SNAI3: variants seen among roughly 807,000 people sequenced by gnomAD.
The protein encoded by SNAI3 is snail family transcriptional repressor 3.
In SNAI3, 21 loss-of-function variants were observed where a neutral mutation model predicts 16.4. That is an observed-to-expected ratio of 1.28 (90% CI 0.91 to 1.85). The LOEUF is 1.85. Ranked by LOEUF, SNAI3 falls within the 40% of genes most tolerant of loss-of-function variation. The probability of loss-of-function intolerance (pLI) is 0.00; values close to 1 mark genes in which losing one functional copy is unlikely to be tolerated. For synonymous variants in SNAI3, 202 were observed against 166.6 expected, an observed-to-expected ratio of 1.21 and a Z score of -1.64; for missense variants, 457 against 372.8, an observed-to-expected ratio of 1.23 and a Z score of -1.86.
In SNAI3 at chr16:88,681,646, G is replaced by T; in HGVS notation, c.145C>A (p.Pro49Thr). The T allele has an allele frequency of 6.8e-7, 1 of 1,471,684 alleles. No homozygotes were observed. Among genetic ancestry groups the T allele is most frequent in the Non-Finnish European group, 9.0e-7 (1 of 1,108,128 alleles). The allele number at this position is 1,471,684 out of a possible 1,614,324, so 91.2% of individuals were successfully genotyped here. A position where few individuals can be genotyped will look rare whatever the true frequency, so the allele number is the denominator to read the frequency against. The change falls in exon 2 of 3, where the codon CCT (proline) becomes ACT (threonine). Residue 49 changes from proline to threonine, a missense_variant. Coordinates refer to ENST00000332281, the MANE Select transcript of SNAI3 (RefSeq NM_178310.4). This position sits in a 1 kb window ranked among gnomAD's most constrained non-coding sequence, Gnocchi z 5.4. ...TGGGGAAGGTCACCGGGCACAGAAG[G>T]GGCCTCCTTGTCTCGGGGGAGGAGG... ...VPLLPRDKEA[P>T]SVPGDLPQPW...
chr16:88,681,708 T>C lies in SNAI3; in HGVS notation c.83A>G (p.Asn28Ser), dbSNP rs201702547. The change falls in exon 2 of 3, where the codon AAT (asparagine) becomes AGT (serine). Residue 28 changes from asparagine to serine, a missense_variant. Coordinates refer to ENST00000332281, the MANE Select transcript of SNAI3 (RefSeq NM_178310.4). The surrounding 1 kb of genome is among the most constrained non-coding windows in gnomAD (Gnocchi z 5.4). ...YRRLETQREINGACSACGGLV... is the reference protein window; with the variant it reads ...YRRLETQREISGACSACGGLV... ...CCCCCCACAGGCAGAGCAGGCACCATTGATTTCTAGAGGGGTGGAGGGGAG... is the reference window on the plus strand; with the variant it reads ...CCCCCCACAGGCAGAGCAGGCACCACTGATTTCTAGAGGGGTGGAGGGGAG... 2.1e-4 allele frequency: 306 copies of C among 1,442,594 alleles called. No homozygotes were observed. The highest frequency in any genetic ancestry group is 2.6e-4 in the Non-Finnish European group (287 of 1,093,354). The allele number at this position is 1,442,594 out of a possible 1,614,324, so 89.4% of individuals were successfully genotyped here. A position where few individuals can be genotyped will look rare whatever the true frequency, so the allele number is the denominator to read the frequency against.
intron 1 of SNAI3, among the ~76,000 whole-genome samples, chr16:88,682,163 G>C (rs1030055133): frequency 6.6e-6 from 1 of 152,188 alleles, no homozygotes; most frequent in African/African-American, 2.4e-5. Flanking sequence ...ACGCTTGGCA[G>C]CAAGGTGCCG....
At chr16:88,684,584 C>T (rs1909292733) in intron 1 of SNAI3, among the ~76,000 whole-genome samples, 1 of 152,194 alleles carries the variant, frequency 6.6e-6, no homozygotes, top group Non-Finnish European at 1.5e-5. Flanking sequence ...CAACCTCCAT[C>T]TCCCGGGTTC....
rs1909026331 is a variant in SNAI3 at position 88,677,948 on chromosome 16, C to A, written c.*500G>T. ...AGACGTGTGACATGGGGCAGCTCGTCCCAGACCCCAAACCAAAGGCTGGCG... is the reference window on the plus strand; with the variant it reads ...AGACGTGTGACATGGGGCAGCTCGTACCAGACCCCAAACCAAAGGCTGGCG... On this transcript the variant is annotated 3_prime_UTR_variant, in exon 3 of 3. Transcript: ENST00000332281. 1 of 156,690 alleles carries A rather than the reference C, an allele frequency of 6.4e-6. No homozygotes were observed. Among genetic ancestry groups the A allele is most frequent in the African/African-American group, 2.4e-5 (1 of 41,514 alleles). 9.7% of individuals were successfully genotyped at this position (156,690 alleles called of 1,614,324 possible).
chr16:88,683,472 T>A (rs766500890), intron 1 of SNAI3, among the ~76,000 whole-genome samples: 44 of 151,822 alleles, frequency 2.9e-4, no homozygotes, highest in Non-Finnish European at 5.7e-4. Flanking sequence ...GCCAGGCTGG[T>A]CTCGAACTCT....
At chr16:88,682,300 G>A (rs564199240) in intron 1 of SNAI3, among the ~76,000 whole-genome samples, 1 of 152,368 alleles carries the variant, frequency 6.6e-6, no homozygotes, top group East Asian at 1.9e-4. Context: ...GCTGACCAGT[G>A]CCCACTCTAC....
chr16:88,681,562 C>T lies in SNAI3; in HGVS notation c.229G>A (p.Glu77Lys), dbSNP rs756617477. ...CISLPLLPRI[E>K]EALGASGLDA... ...AGCCCAGAGGCCCCCAGAGCTTCCT[C>T]GATCCGTGGCAGGAGGGGCAGGGAG... Residue 77 changes from glutamate to lysine, a missense_variant, in exon 2 of 3, where the codon GAG (glutamate) becomes AAG (lysine). Physicochemically the swap from Glu to Lys is moderately conservative, Grantham distance 56. Transcript: ENST00000332281. This position sits in a 1 kb window ranked among gnomAD's most constrained non-coding sequence, Gnocchi z 5.4. 4.0e-6 allele frequency: 6 copies of T among 1,508,724 alleles called. No homozygotes were observed. The highest frequency in any genetic ancestry group is 5.3e-6 in the Non-Finnish European group (6 of 1,127,348). The allele number at this position is 1,508,724 out of a possible 1,614,324, so 93.5% of individuals were successfully genotyped here.
At chr16:88,686,155 G>C (rs1239350283) in intron 1 of SNAI3, 176 bp downstream of exon 1, 1 of 754,726 alleles carries the variant, frequency 1.3e-6, no homozygotes, top group East Asian at 2.8e-5. Context: ...CTGAAGTGGA[G>C]GCGCCCGTGG....
intron 1 of SNAI3, chr16:88,685,306 G>A (rs1391633709): frequency 6.6e-6 from 1 of 152,262 alleles, no homozygotes; most frequent in Non-Finnish European, 1.5e-5. Flanking sequence ...GGTCCTAGCT[G>A]GCACCCCCTG....
intron 1 of SNAI3, among the ~76,000 whole-genome samples, chr16:88,684,576 A>G (rs1237653133): frequency 6.6e-6 from 1 of 151,830 alleles, no homozygotes; most frequent in Non-Finnish European, 1.5e-5. Flanking sequence ...GCTCACTGCA[A>G]CCTCCATCTC....
chr16:88,678,417 A>T lies in SNAI3; in HGVS notation c.*31T>A, dbSNP rs775869693. ...GACGCCAGCTCTCCCGGTGAGGACC[A>T]TCCCTCCTACCTGCGCCGACCACGT... On this transcript the variant is annotated 3_prime_UTR_variant, in exon 3 of 3. Coordinates refer to ENST00000332281, the MANE Select transcript of SNAI3 (RefSeq NM_178310.4). The T allele has an allele frequency of 1.5e-5, 11 of 738,290 alleles. No individual in the cohort carries two copies. In the African/African-American group the frequency reaches 1.7e-4, roughly 11 times the overall value. The allele number at this position is 738,290 out of a possible 1,614,324, so 45.7% of individuals were successfully genotyped here. A position where few individuals can be genotyped will look rare whatever the true frequency, so the allele number is the denominator to read the frequency against.
At chr16:88,685,005 A>G (rs770740043) in intron 1 of SNAI3, 28 of 152,370 alleles carry the variant, frequency 1.8e-4, no homozygotes, top group Non-Finnish European at 3.7e-4. Context: ...CGGGGAGCAG[A>G]GAGCACTGCG....
In SNAI3 at chr16:88,681,821, G is replaced by A. The variant is rs766424890; in HGVS notation, c.77-107C>T. Reference sequence around the variant, plus strand: ...CCAGTCACAGCCCATCAGCAGCCTGGCGTGGGAGGTGTAGCCGGGAACCTG... The same window carrying A: ...CCAGTCACAGCCCATCAGCAGCCTGACGTGGGAGGTGTAGCCGGGAACCTG... On this transcript the variant is annotated intron_variant, in intron 1 of 2. Coordinates refer to ENST00000332281, the MANE Select transcript of SNAI3 (RefSeq NM_178310.4). The surrounding 1 kb of genome is among the most constrained non-coding windows in gnomAD (Gnocchi z 5.4). 3.5e-5 allele frequency: 43 copies of A among 1,235,896 alleles called. No homozygotes were observed. Among genetic ancestry groups the A allele is most frequent in the Non-Finnish European group, 4.0e-5 (39 of 971,230 alleles). 76.6% of individuals were successfully genotyped at this position (1,235,896 alleles called of 1,614,324 possible).
In SNAI3 at chr16:88,686,460, G is replaced by C; in HGVS notation, c.-54C>G. The C allele has an allele frequency of 6.3e-7, 1 of 1,587,136 alleles. No individual in the cohort carries two copies. Among genetic ancestry groups the C allele is most frequent in the Non-Finnish European group, 8.5e-7 (1 of 1,171,818 alleles). On this transcript the variant is annotated 5_prime_UTR_variant, in exon 1 of 3. Coordinates refer to ENST00000332281, the MANE Select transcript of SNAI3 (RefSeq NM_178310.4). ...GGGCTGGGGCGGGAGGGGCGCGCCT[G>C]GGTCCGGACTGCTGCGTCCGCCGGC...
chr16:88,679,774 A>G (rs1328126015), intron 2 of SNAI3, among the ~76,000 whole-genome samples: 1 of 142,324 alleles, frequency 7.0e-6, no homozygotes. Flanking sequence ...AAAAAAAAAA[A>G]AAAAAAAAGA....
chr16:88,684,907 G>T (rs1909303979), intron 1 of SNAI3, among the ~76,000 whole-genome samples: 1 of 152,222 alleles, frequency 6.6e-6, no homozygotes, highest in Admixed American at 6.5e-5. Context: ...GGTCTATCCT[G>T]GGGTAACATC....
chr16:88,680,968 G>T, intron 2 of SNAI3, 126 bp downstream of exon 2: 1 of 1,363,776 alleles, frequency 7.3e-7, no homozygotes, highest in Non-Finnish European at 9.9e-7. Context: ...TAAGTCAAAA[G>T]GCAGAAGCTG....
intron 1 of SNAI3, among the ~76,000 whole-genome samples, chr16:88,683,131 G>T (rs1320171501): frequency 1.4e-5 from 2 of 144,826 alleles, no homozygotes; most frequent in South Asian, 4.4e-4. Context: ...TGTCTCCCAG[G>T]CTGGAGTGCA....
intron 2 of SNAI3, among the ~76,000 whole-genome samples, chr16:88,679,889 G>T (rs538559161): frequency 1.8e-4 from 27 of 152,048 alleles, no homozygotes; most frequent in Admixed American, 1.5e-3. Context: ...AGACCAGCCT[G>T]GGCAACATAG....
Sources: gnomAD v4.1 joint callset for allele counts (sites outside exome capture counted in the v4.1 genomes callset) on GRCh38, gnomAD v4.1.1 for gene constraint, Gnocchi (gnomAD v3.1) non-coding constraint, MANE v1.5 for transcripts, NCBI Gene and HGNC (gene_info 2026-07-23, HGNC 2026-07-21) for gene names.